WWOX: variants seen among roughly 807,000 people sequenced by gnomAD.
WWOX encodes WW domain-containing oxidoreductase.
Under a neutral mutation model 46.2 loss-of-function variants are expected in WWOX, and 69 were observed. That is an observed-to-expected ratio of 1.49 (90% CI 1.23 to 1.82). The LOEUF (loss-of-function observed/expected upper bound fraction) is 1.82, where lower values mean the gene tolerates loss of function less well. WWOX is among the 40% of genes most tolerant of loss of function. The probability of loss-of-function intolerance (pLI) is 0.00; values close to 1 mark genes in which losing one functional copy is unlikely to be tolerated. For missense variants in WWOX, 919 were observed against 542.6 expected (o/e 1.69, Z -6.89); for synonymous variants, 359 against 202.6 (o/e 1.77, Z -6.56).
intron 8 of WWOX, among the ~76,000 whole-genome samples, chr16:78,703,546 G>C (rs2048269727): frequency 6.6e-6 from 1 of 152,070 alleles, no homozygotes; most frequent in African/African-American, 2.4e-5. Flanking sequence ...TTGAGTCCAG[G>C]AGTTTGAGGC....
At chr16:78,871,309 A>G (rs1026002464) in intron 8 of WWOX, among the ~76,000 whole-genome samples, 7 of 152,132 alleles carry the variant, frequency 4.6e-5, no homozygotes, top group South Asian at 2.1e-4. Flanking sequence ...AACCTGCTGA[A>G]TAACCATGTC....
chr16:78,335,863 G>GAGGCC (rs2080877652), intron 5 of WWOX, among the ~76,000 whole-genome samples: 1 of 152,010 alleles, frequency 6.6e-6, no homozygotes, highest in Admixed American at 6.6e-5. Context: ...AGGCCGAGGC[G>GAGGCC]GGTGGATCGC....
chr16:78,577,402 C>A (rs757271570), intron 8 of WWOX, among the ~76,000 whole-genome samples: 1 of 152,180 alleles, frequency 6.6e-6, no homozygotes, highest in Admixed American at 6.5e-5. Context: ...AATTCCAGCA[C>A]TGCGGCCATG....
chr16:78,445,561 C>G (rs1312213792), intron 8 of WWOX, among the ~76,000 whole-genome samples: 1 of 152,142 alleles, frequency 6.6e-6, no homozygotes, highest in Non-Finnish European at 1.5e-5. Flanking sequence ...ATTGTTTTCA[C>G]TAATTCATCT....
intron 8 of WWOX, among the ~76,000 whole-genome samples, chr16:78,966,878 A>G (rs1470262427): frequency 1.3e-5 from 2 of 152,178 alleles, no homozygotes; most frequent in Non-Finnish European, 2.9e-5. Flanking sequence ...TTCCCACCTC[A>G]TAGAGTTGCA....
intron 6 of WWOX, among the ~76,000 whole-genome samples, chr16:78,399,413 A>G (rs1475848260): frequency 1.3e-5 from 2 of 152,326 alleles, no homozygotes; most frequent in East Asian, 3.9e-4. Context: ...AGGTTTTCTT[A>G]CAAGGAATCT....
At chr16:78,858,387 T>G (rs2052619807) in intron 8 of WWOX, among the ~76,000 whole-genome samples, 1 of 152,030 alleles carries the variant, frequency 6.6e-6, no homozygotes, top group Non-Finnish European at 1.5e-5. Flanking sequence ...TATGTATGTA[T>G]CTGTATATGT....
chr16:79,030,784 C>G (rs988569730), intron 8 of WWOX, among the ~76,000 whole-genome samples: 4 of 152,046 alleles, frequency 2.6e-5, no homozygotes, highest in African/African-American at 9.7e-5. Flanking sequence ...GACTGATATT[C>G]TGAAGAATCC....
In WWOX at chr16:78,424,895, G is replaced by C; in HGVS notation, c.631G>C (p.Ala211Pro). The change falls in exon 7 of 9, where the codon GCA becomes CCA. Residue 211 changes from alanine to proline, a missense_variant. Coordinates refer to ENST00000566780, the MANE Select transcript of WWOX (RefSeq NM_016373.4). The part of the protein sequence containing the change: ...NVPLHVLVCN[A>P]ATFALPWSLT... ...GCCTCTTCATGTGCTTGTGTGCAAC[G>C]CAGCAACTTTTGCTCTACCCTGGAG... 1 of 1,614,050 alleles carries C rather than the reference G, an allele frequency of 6.2e-7. No homozygotes were observed. The highest frequency in any genetic ancestry group is 8.5e-7 in the Non-Finnish European group (1 of 1,180,014).
Position 78,654,013 on chromosome 16 carries a change from C to A in WWOX, c.1056+221261C>A, listed in dbSNP as rs544793831. ...AATTAAGATCTGCTCAAGGTCGTAT[C>A]CAGCTTTGGGAACCCCAACTATTGC... is the stretch of plus-strand genomic sequence containing the variant. On this transcript the variant is annotated intron_variant, in intron 8 of 8. Transcript: ENST00000566780. 5.9e-5 allele frequency among the ~76,000 whole-genome samples: 9 copies of A among 152,316 alleles called. No individual in the cohort carries two copies. In the East Asian group the frequency reaches 7.7e-4, roughly 13 times the overall value.
In WWOX at chr16:79,162,026, A is replaced by C. The variant is rs549098499; in HGVS notation, c.1057-49582A>C. ...CAGAACCAGGACACCTGTCTCCCAG[A>C]TCTGTCCTTTTCTTGGATAGCTTGA... is the stretch of plus-strand genomic sequence containing the variant. On this transcript the variant is annotated intron_variant, in intron 8 of 8. Transcript: ENST00000566780. Among the ~76,000 whole-genome samples the C allele has an allele frequency of 5.9e-5, 9 of 152,260 alleles. No individual in the cohort carries two copies. In the South Asian group the frequency reaches 1.9e-3, roughly 32 times the overall value.
intron 5 of WWOX, among the ~76,000 whole-genome samples, chr16:78,312,024 CT>C (rs1333484685): frequency 6.6e-6 from 1 of 152,122 alleles, no homozygotes; most frequent in Non-Finnish European, 1.5e-5. Flanking sequence ...TCCATGGCTC[CT>C]TTTCGGTCAC....
chr16:78,855,853 C>T (rs939261013), intron 8 of WWOX, among the ~76,000 whole-genome samples: 3 of 152,084 alleles, frequency 2.0e-5, no homozygotes, highest in Non-Finnish European at 2.9e-5. Context: ...TGTGTGAAGC[C>T]CAGGGGATCC....
chr16:79,143,549 A>G (rs931050760), intron 8 of WWOX, among the ~76,000 whole-genome samples: 2 of 152,208 alleles, frequency 1.3e-5, no homozygotes, highest in African/African-American at 4.8e-5. Context: ...CTTGATACAT[A>G]CCAATGATTT....
chr16:78,500,038 C>T (rs951199307), intron 8 of WWOX, among the ~76,000 whole-genome samples: 7 of 152,156 alleles, frequency 4.6e-5, no homozygotes, highest in Non-Finnish European at 4.4e-5. Context: ...TGGTTTCTGC[C>T]TGTGGGAAAA....
At chr16:79,140,471 G>T (rs1057457169) in intron 8 of WWOX, among the ~76,000 whole-genome samples, 1 of 152,206 alleles carries the variant, frequency 6.6e-6, no homozygotes, top group East Asian at 1.9e-4. Flanking sequence ...CACCTGAGAA[G>T]TCCAGTCCTT....
Position 78,531,980 on chromosome 16 carries a change from TAAAC to T in WWOX, c.1056+99232_1056+99235del, listed in dbSNP as rs1454907537. ...GTGGGAAATTTTTAAAGTAAAGTAA[TAAAC>T]AAATAAGTTTTGGGTTGGGCGGGAG... is the stretch of plus-strand genomic sequence containing the variant. On this transcript the variant is annotated intron_variant, in intron 8 of 8. Coordinates refer to ENST00000566780, the MANE Select transcript of WWOX (RefSeq NM_016373.4). Among the ~76,000 whole-genome samples, 13 of 152,134 alleles carry T rather than the reference TAAAC, an allele frequency of 8.5e-5. No individual in the cohort carries two copies. The East Asian group carries it at 1.7e-3, about 20-fold the overall frequency.
chr16:78,676,073 G>C (rs1042666811), intron 8 of WWOX, among the ~76,000 whole-genome samples: 1 of 151,922 alleles, frequency 6.6e-6, no homozygotes, highest in African/African-American at 2.4e-5. Context: ...GAGTAATCCA[G>C]ACGTTACTAC....
chr16:78,795,335 C>T (rs1329327498), intron 8 of WWOX, among the ~76,000 whole-genome samples: 1 of 152,096 alleles, frequency 6.6e-6, no homozygotes, highest in African/African-American at 2.4e-5. Flanking sequence ...AGTCCAACCC[C>T]CTGAAAGCTG....
Sources: gnomAD v4.1 joint callset for allele counts (sites outside exome capture counted in the v4.1 genomes callset) on GRCh38, gnomAD v4.1.1 for gene constraint, MANE v1.5 for transcripts, NCBI Gene and HGNC (gene_info 2026-07-23, HGNC 2026-07-21) for gene names.